The following RAB32 variants were observed in gnomAD, a reference collection of about 807,000 sequenced individuals.
RAB32 encodes RAB32, member RAS oncogene family.
A neutral mutation model predicts 17.5 loss-of-function variants in RAB32; 17 were observed. The observed-to-expected ratio is 0.97, with a 90% CI of 0.67 to 1.46. The LOEUF (loss-of-function observed/expected upper bound fraction) is 1.46. Ranked by LOEUF, RAB32 falls within the 40% of genes most tolerant of loss-of-function variation. The pLI, the probability that RAB32 is intolerant of heterozygous loss-of-function variation, is 0.00. For missense variants in RAB32, 288 were observed against 284.3 expected (o/e 1.01, Z -0.09); for synonymous variants, 115 against 111.1 (o/e 1.04, Z -0.22).
At chr6:146,548,719 AT>A (rs1779855447) in intron 1 of RAB32, among the ~76,000 whole-genome samples, 1 of 152,190 alleles carries the variant, frequency 6.6e-6, no homozygotes, top group Non-Finnish European at 1.5e-5. Context: ...GGTCTTTCCT[AT>A]GCCAAAGATT....
rs1158002214 is a variant in RAB32, at chr6:146,554,492, G to C, written c.565G>C (p.Val189Leu). The C allele has an allele frequency of 1.9e-6, 3 of 1,613,546 alleles. No individual in the cohort carries two copies. Among genetic ancestry groups the C allele is most frequent in the Non-Finnish European group, 2.5e-6 (3 of 1,179,752 alleles). The change falls in exon 3 of 3, where the codon GTG becomes CTG. Residue 189 changes from valine to leucine, a missense_variant. Coordinates refer to ENST00000367495, the MANE Select transcript of RAB32 (RefSeq NM_006834.5). ...INIEEAARFL[V>L]EKILVNHQSF... ...CATAGAGGAAGCTGCCCGGTTCCTA[G>C]TGGAGAAGATTCTTGTAAACCACCA...
At chr6:146,548,144 A>C (rs1035402169) in intron 1 of RAB32, among the ~76,000 whole-genome samples, 1 of 152,204 alleles carries the variant, frequency 6.6e-6, no homozygotes, top group African/African-American at 2.4e-5. Context: ...TCACAATAAA[A>C]TATGAGCATA....
intron 1 of RAB32, among the ~76,000 whole-genome samples, chr6:146,544,379 AG>A (rs918786237): frequency 3.9e-5 from 6 of 152,088 alleles, no homozygotes; most frequent in African/African-American, 1.4e-4. Flanking sequence ...CGAGGAGGCC[AG>A]GGGGCCTTTT....
At position 146,554,664 on chromosome 6, in the gene RAB32, G is replaced by A; in HGVS notation, c.*59G>A. On this transcript the variant is annotated 3_prime_UTR_variant, in exon 3 of 3. Transcript: ENST00000367495. ...GCTCTGAAGAAGTTCCTGAGAATGG[G>A]TTACAGATGTCATGTTAGCTGGGAG... is the stretch of plus-strand genomic sequence containing the variant. 6.5e-7 allele frequency: 1 copy of A among 1,539,554 alleles called. No homozygotes were observed. Among genetic ancestry groups the A allele is most frequent in the Non-Finnish European group, 8.7e-7 (1 of 1,143,086 alleles).
intron 1 of RAB32, among the ~76,000 whole-genome samples, chr6:146,547,035 T>C (rs1455172164): frequency 1.3e-5 from 2 of 152,122 alleles, no homozygotes; most frequent in Non-Finnish European, 2.9e-5. Flanking sequence ...TTTAGTGCAG[T>C]TTTTGTGTTA....
intron 1 of RAB32, among the ~76,000 whole-genome samples, chr6:146,548,506 T>A (rs1356719330): frequency 1.3e-5 from 2 of 152,184 alleles, no homozygotes; most frequent in Non-Finnish European, 2.9e-5. Flanking sequence ...GTGCATTGAT[T>A]GCCAATCATT....
chr6:146,551,934 A>T lies in RAB32; in HGVS notation c.528+2193A>T, dbSNP rs1019523643. On this transcript the variant is annotated intron_variant, in intron 2 of 2. Transcript: ENST00000367495. Reference sequence around the variant, plus strand: ...CAGTAAACCAGACGTGTTCCAAGAGAATAACAGTAATAAAAAAATTTAGGT... The same window carrying T: ...CAGTAAACCAGACGTGTTCCAAGAGTATAACAGTAATAAAAAAATTTAGGT... Among the ~76,000 whole-genome samples the T allele has an allele frequency of 5.3e-5, 8 of 152,272 alleles. No homozygotes were observed. In the East Asian group the frequency reaches 1.5e-3, roughly 29 times the overall value.
At position 146,544,016 on chromosome 6, in the gene RAB32, C is replaced by T; in HGVS notation, c.145C>T (p.Leu49Phe). Residue 49 changes from leucine (L) to phenylalanine (F), a missense_variant, in exon 1 of 3, where the codon CTC becomes TTC. Coordinates refer to ENST00000367495, the MANE Select transcript of RAB32 (RefSeq NM_006834.5). The stretch of plus-strand genomic sequence containing the variant: ...CATCATCAAGCGCTACGTCCACCAG[C>T]TCTTCTCCCAGCACTACCGGGCCAC... ...TSIIKRYVHQ[L>F]FSQHYRATIG... 4 of 1,613,932 alleles carry T rather than the reference C, an allele frequency of 2.5e-6. No individual in the cohort carries two copies. Among genetic ancestry groups the T allele is most frequent in the Non-Finnish European group, 3.4e-6 (4 of 1,179,968 alleles).
rs138523650 is a variant in RAB32 at position 146,546,354 on chromosome 6, A to G, written c.250+2233A>G. Reference sequence around the variant, plus strand: ...TTATAGAAATTATTAGGCTCACATTATAAGTAAGATTTTCAGAGATAGAAT... The same window carrying G: ...TTATAGAAATTATTAGGCTCACATTGTAAGTAAGATTTTCAGAGATAGAAT... On this transcript the variant is annotated intron_variant, in intron 1 of 2. Transcript: ENST00000367495. Among the ~76,000 whole-genome samples, 37 of 152,226 alleles carry G rather than the reference A, an allele frequency of 2.4e-4. No individual in the cohort carries two copies. The East Asian group carries it at 5.0e-3, about 21-fold the overall frequency.
chr6:146,548,060 A>G (rs1413898676), intron 1 of RAB32, among the ~76,000 whole-genome samples: 1 of 152,198 alleles, frequency 6.6e-6, no homozygotes, highest in Non-Finnish European at 1.5e-5. Context: ...GATTTTGAAC[A>G]GTTGGCATAT....
Position 146,543,852 on chromosome 6 carries a change from GC to G in RAB32, c.-17del. 2 of 1,364,750 alleles carry G rather than the reference GC, an allele frequency of 1.5e-6. No individual in the cohort carries two copies. Among genetic ancestry groups the G allele is most frequent in the Non-Finnish European group, 1.9e-6 (2 of 1,058,002 alleles). 84.5% of individuals were successfully genotyped at this position (1,364,750 alleles called of 1,614,324 possible). A position where few individuals can be genotyped will look rare whatever the true frequency, so the allele number is the denominator to read the frequency against. Reference sequence around the variant, plus strand: ...GGGGCCAGACTCGGAGTCGAGGCGCGCCCGACAGCCGCAGCGCTCATGGCGG... The same window carrying G: ...GGGGCCAGACTCGGAGTCGAGGCGCGCCGACAGCCGCAGCGCTCATGGCGG... On this transcript the variant is annotated 5_prime_UTR_variant, in exon 1 of 3. Coordinates refer to ENST00000367495, the MANE Select transcript of RAB32 (RefSeq NM_006834.5).
chr6:146,544,880 A>G (rs1308184653), intron 1 of RAB32, among the ~76,000 whole-genome samples: 2 of 143,582 alleles, frequency 1.4e-5, no homozygotes, highest in African/African-American at 5.2e-5. Flanking sequence ...TGAACACTTG[A>G]ACTTTGCCTG....
intron 1 of RAB32, among the ~76,000 whole-genome samples, chr6:146,547,876 C>A (rs941708788): frequency 6.6e-6 from 1 of 152,062 alleles, no homozygotes; most frequent in Non-Finnish European, 1.5e-5. Context: ...ATGTAATTAT[C>A]TTGAAATCTT....
At chr6:146,549,420 G>C (rs371941584) in intron 1 of RAB32, 44 bp from the exon 2 acceptor site, 72 of 1,550,232 alleles carry the variant, frequency 4.6e-5, no homozygotes, top group African/African-American at 5.5e-5. Flanking sequence ...TGTAGACTCT[G>C]TCTGAATTAC....
intron 1 of RAB32, among the ~76,000 whole-genome samples, chr6:146,546,226 A>G (rs1315772741): frequency 2.0e-5 from 3 of 152,162 alleles, no homozygotes; most frequent in African/African-American, 7.2e-5. Context: ...ACAAAAGTTT[A>G]AGATCTCCAA....
rs144297246 is a variant in RAB32, at chr6:146,553,018, A to G, written c.529-1438A>G. Among the ~76,000 whole-genome samples, 663 of 152,326 alleles carry G rather than the reference A, an allele frequency of 4.4e-3. 7 individuals are homozygous for G. Among genetic ancestry groups the G allele is most frequent in the African/African-American group, 0.015 (636 of 41,576 alleles). Reference sequence around the variant, plus strand: ...AACTAATAATCCATGATAAAAATGAACAAATGAATAAAGAAATGGGGGAGA... The same window carrying G: ...AACTAATAATCCATGATAAAAATGAGCAAATGAATAAAGAAATGGGGGAGA... On this transcript the variant is annotated intron_variant, in intron 2 of 2. Transcript: ENST00000367495.
rs1185066343 is a variant in RAB32 at position 146,549,419 on chromosome 6, TG to T, written c.251-44del. The T allele has an allele frequency of 5.2e-6, 8 of 1,541,112 alleles. No homozygotes were observed. The Admixed American group carries it at 9.1e-5, about 18-fold the overall frequency. On this transcript the variant is annotated intron_variant, in intron 1 of 2. Coordinates refer to ENST00000367495, the MANE Select transcript of RAB32 (RefSeq NM_006834.5). ...AGGGGTTATACCTAAATGTAGACTC[TG>T]TCTGAATTACAAGTTTTTAATTTTT...
chr6:146,553,985 C>A (rs1779927762), intron 2 of RAB32, among the ~76,000 whole-genome samples: 1 of 152,056 alleles, frequency 6.6e-6, no homozygotes, highest in African/African-American at 2.4e-5. Flanking sequence ...TTATACATGA[C>A]AACTAAAAGG....
chr6:146,554,269 T>C (rs1779931330), intron 2 of RAB32, among the ~76,000 whole-genome samples, 187 bp from the exon 3 acceptor site: 2 of 152,170 alleles, frequency 1.3e-5, no homozygotes, highest in Non-Finnish European at 2.9e-5. Context: ...ATAAGGGAAT[T>C]CTTTCCATCA....
Sources: gnomAD v4.1 joint callset for allele counts (sites outside exome capture counted in the v4.1 genomes callset) on GRCh38, gnomAD v4.1.1 for gene constraint, MANE v1.5 for transcripts, NCBI Gene and HGNC (gene_info 2026-07-23, HGNC 2026-07-21) for gene names.